The following GREB1 variants were observed in gnomAD, a reference collection of about 807,000 sequenced individuals.
GREB1 encodes growth regulating estrogen receptor binding 1, also known as protein GREB1.
Under a neutral mutation model 200.7 loss-of-function variants are expected in GREB1, and 106 were observed. The observed-to-expected ratio is 0.53, with a 90% confidence interval of 0.45 to 0.62. GREB1 has a LOEUF of 0.62. Ranked by LOEUF, GREB1 falls within the 20% of genes least tolerant of loss-of-function variation. The pLI is 0.00. For missense variants in GREB1, 2,243 were observed against 2,556.8 expected (o/e 0.88, Z 2.65); for synonymous variants, 1,132 against 1,092.4 (o/e 1.04, Z -0.72).
chr2:11,634,740 A>G (rs1685170680), intron 29 of GREB1, among the ~76,000 whole-genome samples: 1 of 152,158 alleles, frequency 6.6e-6, no homozygotes, highest in Admixed American at 6.5e-5. Context: ...GTACCTCTCC[A>G]CTGGGCAGTG....
rs192746817 is a variant in GREB1, at chr2:11,628,618, A to G, written c.4450-1330A>G. On this transcript the variant is annotated intron_variant, in intron 25 of 32. Transcript: ENST00000381486. ...ACTCTCCTAACATTTTGTTTCTTGG[A>G]GATGTAGTTTTTCTTTTAAGGCAAA... Among the ~76,000 whole-genome samples the G allele has an allele frequency of 1.1e-3, 167 of 152,358 alleles. 1 individual carries two copies. The highest frequency in any genetic ancestry group is 3.9e-3 in the African/African-American group (164 of 41,572).
At chr2:11,584,469 A>G (rs1186323690) in intron 7 of GREB1, among the ~76,000 whole-genome samples, 2 of 152,140 alleles carry the variant, frequency 1.3e-5, no homozygotes, top group African/African-American at 4.8e-5. Flanking sequence ...GGTGGATCAA[A>G]TACTGCTGCC....
At position 11,548,233 on chromosome 2, in the gene GREB1, CAT is replaced by C. The variant is rs1019644332; in HGVS notation, c.-161-8220_-161-8219del. 1.3e-5 allele frequency among the ~76,000 whole-genome samples: 2 copies of C among 151,856 alleles called. No individual in the cohort carries two copies. The highest frequency in any genetic ancestry group is 6.6e-5 in the Admixed American group (1 of 15,246). ...ATGCACACAGCCAGACATGTGCACA[CAT>C]GTGCACATACCCAAACATATGTGCA... On this transcript the variant is annotated intron_variant, in intron 1 of 32. Transcript: ENST00000381486. The surrounding 1 kb of genome is among the most constrained non-coding windows in gnomAD (Gnocchi z 5.1).
In GREB1 at chr2:11,642,560, C is replaced by G. The variant is rs778213833; in HGVS notation, c.*2106C>G. 3.3e-5 allele frequency: 5 copies of G among 151,984 alleles called. No homozygotes were observed. The highest frequency in any genetic ancestry group is 7.4e-5 in the Non-Finnish European group (5 of 67,994). 9.4% of individuals were successfully genotyped at this position (151,984 alleles called of 1,614,324 possible). On this transcript the variant is annotated 3_prime_UTR_variant, in exon 33 of 33. Coordinates refer to ENST00000381486, the MANE Select transcript of GREB1 (RefSeq NM_014668.4). Reference sequence around the variant, plus strand: ...TCTTTTTTTCCTAAGAAAAAAAGTCCGCGAGTATTAAATATTTAGATCAAT... The same window carrying G: ...TCTTTTTTTCCTAAGAAAAAAAGTCGGCGAGTATTAAATATTTAGATCAAT...
chr2:11,638,392 C>T (rs13389572), intron 31 of GREB1, among the ~76,000 whole-genome samples: 45,155 of 152,052 alleles, frequency 0.3, 6,726 homozygotes, highest in South Asian at 0.37. Context: ...CCACCCGCCT[C>T]GGCCTCCCAA....
intron 1 of GREB1, among the ~76,000 whole-genome samples, chr2:11,519,849 A>C (rs533421612): frequency 1.3e-5 from 2 of 152,330 alleles, no homozygotes; most frequent in East Asian, 3.9e-4. Flanking sequence ...TTAAAAAATT[A>C]AATGAGGCCA....
Position 11,635,270 on chromosome 2 carries a change from GTT to G in GREB1, c.5212_5213del (p.Phe1738ProfsTer3). On this transcript the variant is annotated frameshift_variant and splice_region_variant, in exon 30 of 33. Transcript: ENST00000381486. LOFTEE classifies it high-confidence loss of function. ...TQNVQYNQNR[F>X]LCDDVDFNLR... ...CCACCCCTCCTCTGGCCCTGAGTAG[GTT>G]CCTGTGTGACGATGTAGACTTCAAC... is the stretch of plus-strand genomic sequence containing the variant. 6.2e-7 allele frequency: 1 copy of G among 1,614,158 alleles called. No individual in the cohort carries two copies. Among genetic ancestry groups the G allele is most frequent in the Non-Finnish European group, 8.5e-7 (1 of 1,180,024 alleles).
chr2:11,542,040 T>TGCA (rs1674806662), intron 1 of GREB1, among the ~76,000 whole-genome samples: 1 of 151,820 alleles, frequency 6.6e-6, no homozygotes, highest in East Asian at 1.9e-4. Flanking sequence ...CCCCATCTCT[T>TGCA]CTATTTTGCA....
At chr2:11,566,798 T>C in intron 4 of GREB1, 142 bp downstream of exon 4, 2 of 664,072 alleles carry the variant, frequency 3.0e-6, no homozygotes, top group East Asian at 5.4e-5. Flanking sequence ...TTCTGTTTTT[T>C]GGTAGATGAG....
chr2:11,552,368 A>T (rs868640261), intron 1 of GREB1, among the ~76,000 whole-genome samples: 1 of 152,250 alleles, frequency 6.6e-6, no homozygotes. Flanking sequence ...GACCACGGAC[A>T]GAGAACGAGT....
chr2:11,614,785 G>A lies in GREB1; in HGVS notation c.3123-306G>A, dbSNP rs190539447. Among the ~76,000 whole-genome samples, 18 of 152,206 alleles carry A rather than the reference G, an allele frequency of 1.2e-4. 1 individual carries two copies. The highest frequency in any genetic ancestry group is 8.3e-4 in the South Asian group (4 of 4,818). Reference sequence around the variant, plus strand: ...TCACCGTGTTAGCCAGGATGGTCTCGATCTCCTGACCTTGTGATCCGCCCG... The same window carrying A: ...TCACCGTGTTAGCCAGGATGGTCTCAATCTCCTGACCTTGTGATCCGCCCG... On this transcript the variant is annotated intron_variant, in intron 19 of 32. Coordinates refer to ENST00000381486, the MANE Select transcript of GREB1 (RefSeq NM_014668.4).
intron 3 of GREB1, among the ~76,000 whole-genome samples, chr2:11,565,990 C>T (rs778798537): frequency 1.3e-5 from 2 of 151,678 alleles, no homozygotes; most frequent in Non-Finnish European, 2.9e-5. Context: ...ACACAAATAA[C>T]GTGTGATCTG....
At chr2:11,485,357 T>G (rs1258926029) in intron 1 of GREB1, among the ~76,000 whole-genome samples, 1 of 151,788 alleles carries the variant, frequency 6.6e-6, no homozygotes, top group African/African-American at 2.4e-5. Flanking sequence ...ACTGCCAACC[T>G]CTGTTTCCTG....
At chr2:11,504,230 G>T (rs1673120106) in intron 1 of GREB1, among the ~76,000 whole-genome samples, 1 of 152,118 alleles carries the variant, frequency 6.6e-6, no homozygotes, top group Non-Finnish European at 1.5e-5. Context: ...CGTCCTGGAT[G>T]GGATGGAGTG....
chr2:11,564,412 G>T (rs1434012761), intron 3 of GREB1, among the ~76,000 whole-genome samples: 2 of 152,170 alleles, frequency 1.3e-5, no homozygotes, highest in Admixed American at 6.5e-5. Flanking sequence ...AGGCATGGTG[G>T]CACAAGTAGT....
intron 18 of GREB1, 38 bp downstream of exon 18, chr2:11,611,065 G>T: frequency 6.8e-7 from 1 of 1,480,074 alleles, no homozygotes; most frequent in Non-Finnish European, 9.1e-7. Flanking sequence ...AGGGCCTGGG[G>T]GTACCTGGGA....
chr2:11,602,909 G>A (rs1467786690), intron 17 of GREB1, among the ~76,000 whole-genome samples: 1 of 152,214 alleles, frequency 6.6e-6, no homozygotes, highest in Non-Finnish European at 1.5e-5. Flanking sequence ...TGCATATCAT[G>A]TATTGAATGT....
chr2:11,574,721 G>T (rs1041022829), intron 4 of GREB1, among the ~76,000 whole-genome samples: 1 of 152,196 alleles, frequency 6.6e-6, no homozygotes, highest in Non-Finnish European at 1.5e-5. Flanking sequence ...CACAAAGAAG[G>T]ACTTGCCCTC....
chr2:11,524,597 A>G (rs752807756), intron 1 of GREB1, among the ~76,000 whole-genome samples: 10 of 152,196 alleles, frequency 6.6e-5, no homozygotes, highest in Non-Finnish European at 1.0e-4. Context: ...CTTCTTCTCA[A>G]AAGGTCATCA....
Sources: allele counts gnomAD v4.1 joint callset (sites outside exome capture counted in the v4.1 genomes callset), GRCh38; gene constraint gnomAD v4.1.1; non-coding constraint Gnocchi (gnomAD v3.1); transcripts MANE v1.5; gene names NCBI Gene and HGNC (gene_info 2026-07-23, HGNC 2026-07-21).